The following CHID1 variants were observed in gnomAD, a reference collection of about 807,000 sequenced individuals.
CHID1 encodes the protein chitinase domain containing 1, also known as chitinase domain-containing protein 1.
In CHID1, 44 loss-of-function variants were observed where a neutral mutation model predicts 55.4. That is an observed-to-expected ratio of 0.79 (90% CI 0.62 to 1.02). The LOEUF is 1.02. Among genes scored for constraint, CHID1 ranks in the 50% least tolerant of loss-of-function variants. CHID1 has a pLI of 0.00. For missense variants in CHID1, 491 were observed against 515.3 expected (o/e 0.95, Z 0.46); for synonymous variants, 216 against 212.9 (o/e 1.01, Z -0.13).
At chr11:899,520 A>C in intron 6 of CHID1, 119 bp from the exon 7 acceptor site, 1 of 900,532 alleles carries the variant, frequency 1.1e-6, no homozygotes, top group Non-Finnish European at 1.7e-6. Context: ...CTCACGAGGC[A>C]AGACCCAAGC....
chr11:899,189 C>T, intron 7 of CHID1, 151 bp downstream of exon 7: 3 of 710,548 alleles, frequency 4.2e-6, no homozygotes, highest in Non-Finnish European at 7.1e-6. Context: ...CTTCTCTGAG[C>T]AGGTGTCCAT....
At chr11:892,997 CCT>C (rs1361419075) in intron 8 of CHID1, among the ~76,000 whole-genome samples, 7 of 152,362 alleles carry the variant, frequency 4.6e-5, no homozygotes, top group African/African-American at 1.7e-4. Context: ...CCCGCAGTCA[CCT>C]CTCTGCCTCT....
rs552114687 is a variant in CHID1 at position 880,241 on chromosome 11, C to A, written c.959+2907G>T. On this transcript the variant is annotated intron_variant, in intron 10 of 12. Coordinates refer to ENST00000323578, the MANE Select transcript of CHID1 (RefSeq NM_023947.4). ...GTTCTCTATGACTCACTGGGTGAGA[C>A]GTGGGAGAGAAGACGCCAGGCTCTT... is the stretch of plus-strand genomic sequence containing the variant. Among the ~76,000 whole-genome samples, 4 of 152,344 alleles carry A rather than the reference C, an allele frequency of 2.6e-5. No individual in the cohort carries two copies. The South Asian group carries it at 8.3e-4, about 32-fold the overall frequency.
chr11:914,850 G>A (rs1011490858), upstream of CHID1: 111 of 329,824 alleles, frequency 3.4e-4, no homozygotes, highest in Non-Finnish European at 5.4e-4. Flanking sequence ...GGCTCTGGGC[G>A]ACTCCTCATT....
At chr11:906,227 G>T (rs1589906330) in intron 1 of CHID1, among the ~76,000 whole-genome samples, 1 of 150,078 alleles carries the variant, frequency 6.7e-6, no homozygotes, top group African/African-American at 2.4e-5. Context: ...GAGCCACTGC[G>T]CCCGGCTGTG....
At chr11:888,658 GA>G (rs1555008637) in intron 8 of CHID1, among the ~76,000 whole-genome samples, 1 of 152,250 alleles carries the variant, frequency 6.6e-6, no homozygotes, top group Non-Finnish European at 1.5e-5. Context: ...AGGAAAGAAG[GA>G]AAAGGAGCTC....
Position 869,733 on chromosome 11 carries a change from ACCC to A in CHID1, c.*122_*124del. On this transcript the variant is annotated 3_prime_UTR_variant, in exon 13 of 13. Transcript: ENST00000323578. ...GATGGGGAGTCACATGGTGCCCAGG[ACCC>A]CCGACTGAGGACTGCAGCAGACCCG... The A allele has an allele frequency of 3.7e-6, 3 of 815,800 alleles. No individual in the cohort carries two copies. The highest frequency in any genetic ancestry group is 6.1e-6 in the Non-Finnish European group (3 of 487,972). The allele number at this position is 815,800 out of a possible 1,614,324, so 50.5% of individuals were successfully genotyped here.
At chr11:893,357 A>G in intron 8 of CHID1, 70 bp downstream of exon 8, 1 of 1,324,832 alleles carries the variant, frequency 7.5e-7, no homozygotes, top group Admixed American at 2.1e-5. Flanking sequence ...TTTGGCCGAC[A>G]CCCTGCACTG....
chr11:893,715 T>C lies in CHID1; in HGVS notation c.609-196A>G, dbSNP rs57422823. Among the ~76,000 whole-genome samples, 224 of 152,092 alleles carry C rather than the reference T, an allele frequency of 1.5e-3. 2 individuals are homozygous for C. Among genetic ancestry groups the C allele is most frequent in the African/African-American group, 5.2e-3 (217 of 41,482 alleles). ...CCAACAACACTGTCTCATGCCCCAG[T>C]GGGCCCCCTAGAGTGGGGGCCTGTG... On this transcript the variant is annotated intron_variant, in intron 7 of 12. Coordinates refer to ENST00000323578, the MANE Select transcript of CHID1 (RefSeq NM_023947.4).
chr11:891,338 G>A (rs12421848), intron 8 of CHID1, among the ~76,000 whole-genome samples: 64,317 of 151,994 alleles, frequency 0.42, 14,095 homozygotes, highest in East Asian at 0.69. Context: ...CACCGTGCCC[G>A]TAGCCCTGGC....
intron 7 of CHID1, among the ~76,000 whole-genome samples, chr11:897,962 C>T (rs1404088851): frequency 2.0e-5 from 3 of 152,148 alleles, no homozygotes; most frequent in Non-Finnish European, 4.4e-5. Flanking sequence ...CTTCTGGAGC[C>T]GGGGCCTGGG....
At chr11:878,634 G>T (rs141883851) in intron 10 of CHID1, among the ~76,000 whole-genome samples, 3 of 151,716 alleles carry the variant, frequency 2.0e-5, no homozygotes, top group Admixed American at 6.6e-5. Context: ...AACAGAAAAC[G>T]AACTAACACA....
At chr11:893,305 G>A (rs1463995811) in intron 8 of CHID1, 122 bp downstream of exon 8, 1 of 748,924 alleles carries the variant, frequency 1.3e-6, no homozygotes, top group African/African-American at 1.8e-5. Flanking sequence ...CCTCTATACA[G>A]ACGGGATGAG....
chr11:909,193 C>T (rs927420003), intron 1 of CHID1, among the ~76,000 whole-genome samples: 5 of 152,214 alleles, frequency 3.3e-5, no homozygotes, highest in Non-Finnish European at 7.3e-5. Flanking sequence ...GCTCACCGGC[C>T]GCTCGGCTCT....
chr11:886,120 C>T (rs1850373462), intron 8 of CHID1, among the ~76,000 whole-genome samples: 2 of 142,164 alleles, frequency 1.4e-5, no homozygotes, highest in South Asian at 2.2e-4. Context: ...CACTGCACTC[C>T]AGCCTGGGCG....
intron 7 of CHID1, among the ~76,000 whole-genome samples, chr11:896,764 G>A (rs568020764): frequency 3.7e-5 from 4 of 108,924 alleles, no homozygotes; most frequent in Admixed American, 2.0e-4. Flanking sequence ...CACCCCAGAC[G>A]TGTGGCTGTC....
At chr11:909,761 G>A (rs1183073841) in intron 1 of CHID1, among the ~76,000 whole-genome samples, 1 of 152,198 alleles carries the variant, frequency 6.6e-6, no homozygotes, top group Non-Finnish European at 1.5e-5. Context: ...TAGCACTTTG[G>A]GAGGCCAGGA....
intron 7 of CHID1, among the ~76,000 whole-genome samples, chr11:895,025 C>G (rs1196775900): frequency 1.3e-5 from 2 of 152,214 alleles, no homozygotes; most frequent in Non-Finnish European, 2.9e-5. Context: ...GCCTCTGCAG[C>G]TGTGTCCACA....
In CHID1 at chr11:868,310, C is replaced by T. The variant is rs1343371754; in HGVS notation, c.*1548G>A. The stretch of plus-strand genomic sequence containing the variant: ...AAGGTTTTTGGAGTGCAGTCGGTCA[C>T]AGCTCACTGCAGCCTCAACCTCATC... On this transcript the variant is annotated 3_prime_UTR_variant, in exon 13 of 13. Coordinates refer to ENST00000323578, the MANE Select transcript of CHID1 (RefSeq NM_023947.4). 1.3e-5 allele frequency: 2 copies of T among 152,174 alleles called. No individual in the cohort carries two copies. Among genetic ancestry groups the T allele is most frequent in the Non-Finnish European group, 2.9e-5 (2 of 68,042 alleles). The allele number at this position is 152,174 out of a possible 1,614,324, so 9.4% of individuals were successfully genotyped here. A position where few individuals can be genotyped will look rare whatever the true frequency, so the allele number is the denominator to read the frequency against.
Sources: gnomAD v4.1 joint callset for allele counts (sites outside exome capture counted in the v4.1 genomes callset) on GRCh38, gnomAD v4.1.1 for gene constraint, MANE v1.5 for transcripts, NCBI Gene and HGNC (gene_info 2026-07-23, HGNC 2026-07-21) for gene names.